Variants in LCLAT1 observed in about 807,000 individuals in gnomAD.
LCLAT1 encodes the protein 1-AGP acyltransferase 8.
In LCLAT1, 11 loss-of-function variants were observed where a neutral mutation model predicts 30.7. The observed-to-expected ratio is 0.36, with a 90% CI of 0.23 to 0.59. The LOEUF (loss-of-function observed/expected upper bound fraction) is 0.59, where lower values mean the gene tolerates loss of function less well. Among genes scored for constraint, LCLAT1 ranks in the 20% least tolerant of loss-of-function variants. The pLI, the probability that LCLAT1 is intolerant of heterozygous loss-of-function variation, is 0.77. For missense variants in LCLAT1, 402 were observed against 458.6 expected, an observed-to-expected ratio of 0.88 and a Z score of 1.13; for synonymous variants, 155 against 151.3, an observed-to-expected ratio of 1.02 and a Z score of -0.18.
At chr2:30,476,439 C>G (rs1396541346) in intron 1 of LCLAT1, 2 of 456,660 alleles carry the variant, frequency 4.4e-6, no homozygotes, top group South Asian at 3.1e-5. Flanking sequence ...TGATTTCCAC[C>G]TCTGCTCAGA....
At chr2:30,574,768 T>C (rs578024156) in intron 5 of LCLAT1, among the ~76,000 whole-genome samples, 2 of 152,304 alleles carry the variant, frequency 1.3e-5, no homozygotes, top group East Asian at 3.9e-4. Flanking sequence ...CTACAGATAC[T>C]TTGTGTCATG....
intron 5 of LCLAT1, chr2:30,606,563 C>T (rs370952298): frequency 0.12 from 16,527 of 141,342 alleles, 89 homozygotes; most frequent in South Asian, 0.21. Context: ...GGACCCCTTC[C>T]TTACACCTTA....
chr2:30,621,551 CCA>C (rs1176215111), intron 5 of LCLAT1, among the ~76,000 whole-genome samples: 1 of 152,134 alleles, frequency 6.6e-6, no homozygotes, highest in Non-Finnish European at 1.5e-5. Context: ...CTGAGAGAAT[CCA>C]CAGACCCTTT....
intron 5 of LCLAT1, among the ~76,000 whole-genome samples, chr2:30,613,863 C>T (rs757247023): frequency 0.042 from 812 of 19,110 alleles, 26 homozygotes; most frequent in East Asian, 0.1. Flanking sequence ...AGCCCTAAGG[C>T]GGTTTTTCCC....
intron 1 of LCLAT1, among the ~76,000 whole-genome samples, chr2:30,474,042 AT>A (rs1312568385): frequency 6.6e-6 from 1 of 152,250 alleles, no homozygotes; most frequent in Non-Finnish European, 1.5e-5. Flanking sequence ...ATAATGACTT[AT>A]GCAGCTATGA....
chr2:30,543,815 C>T (rs966228344), intron 3 of LCLAT1, among the ~76,000 whole-genome samples: 2 of 151,968 alleles, frequency 1.3e-5, no homozygotes, highest in Non-Finnish European at 2.9e-5. Context: ...GTTTGCCCCT[C>T]TCCCCTAAAA....
Position 30,563,550 on chromosome 2 carries a change from G to A in LCLAT1, c.511+1258G>A, listed in dbSNP as rs1438887813. Among the ~76,000 whole-genome samples the A allele has an allele frequency of 1.3e-5, 2 of 152,186 alleles. 1 individual carries two copies. The highest frequency in any genetic ancestry group is 2.9e-5 in the Non-Finnish European group (2 of 68,034). On this transcript the variant is annotated intron_variant, in intron 4 of 5. Transcript: ENST00000379509. ...TGAGAAGGATTCAGTGGATCTTACA[G>A]CTCTGCTGTGTAAGGGAAGACAGGC...
At chr2:30,481,536 A>G (rs1476783269) in intron 1 of LCLAT1, among the ~76,000 whole-genome samples, 1 of 152,200 alleles carries the variant, frequency 6.6e-6, no homozygotes, top group African/African-American at 2.4e-5. Context: ...GAGTGTTGTC[A>G]CAAAAGCCAA....
At chr2:30,535,747 A>G (rs1446420721) in intron 3 of LCLAT1, among the ~76,000 whole-genome samples, 1 of 152,178 alleles carries the variant, frequency 6.6e-6, no homozygotes, top group Non-Finnish European at 1.5e-5. Flanking sequence ...AACACAGGAA[A>G]CGTGAAAAGG....
At chr2:30,502,252 T>C (rs1488237425) in intron 1 of LCLAT1, among the ~76,000 whole-genome samples, 1 of 152,212 alleles carries the variant, frequency 6.6e-6, no homozygotes, top group African/African-American at 2.4e-5. Flanking sequence ...ATTTGTAAGG[T>C]GATAGGTATT....
At chr2:30,525,878 C>T (rs1201031166) in intron 2 of LCLAT1, 123 bp downstream of exon 2, 2 of 737,414 alleles carry the variant, frequency 2.7e-6, no homozygotes, top group African/African-American at 1.7e-5. Flanking sequence ...GCACATCCTT[C>T]TGTATGCTTT....
chr2:30,581,949 A>G (rs72798173), intron 5 of LCLAT1, among the ~76,000 whole-genome samples: 2 of 152,348 alleles, frequency 1.3e-5, no homozygotes, highest in Non-Finnish European at 2.9e-5. Flanking sequence ...GGTAATGGAT[A>G]TGCCAGTTAC....
At chr2:30,473,762 C>T (rs1682914326) in intron 1 of LCLAT1, among the ~76,000 whole-genome samples, 1 of 152,152 alleles carries the variant, frequency 6.6e-6, no homozygotes, top group Non-Finnish European at 1.5e-5. Context: ...GTTGTGGTTG[C>T]TAGAGTTCAT....
intron 1 of LCLAT1, among the ~76,000 whole-genome samples, chr2:30,473,768 T>TTCA (rs1682915072): frequency 6.6e-6 from 1 of 152,244 alleles, no homozygotes; most frequent in South Asian, 2.1e-4. Flanking sequence ...GTTGCTAGAG[T>TTCA]TCATGTCTTC....
Position 30,525,574 on chromosome 2 carries a change from T to C in LCLAT1, c.-4-13T>C, listed in dbSNP as rs1685674619. On this transcript the variant is annotated splice_polypyrimidine_tract_variant and intron_variant, in intron 1 of 5. Transcript: ENST00000379509. ...GTATAGTAACAAAATATATCCTTTT[T>C]TATATCTTTCAGAATCATGGTGTCA... is the stretch of plus-strand genomic sequence containing the variant. 1.9e-6 allele frequency: 3 copies of C among 1,603,762 alleles called. 1 individual carries two copies. The highest frequency in any genetic ancestry group is 3.3e-4 in the Middle Eastern group (2 of 6,030).
intron 1 of LCLAT1, among the ~76,000 whole-genome samples, chr2:30,495,475 C>T (rs1684064111): frequency 6.6e-6 from 1 of 151,520 alleles, no homozygotes; most frequent in African/African-American, 2.4e-5. Context: ...TAATAATTCT[C>T]TAATTGCAAT....
intron 5 of LCLAT1, among the ~76,000 whole-genome samples, chr2:30,615,024 G>A (rs1667928733): frequency 6.6e-6 from 1 of 152,154 alleles, no homozygotes; most frequent in South Asian, 2.1e-4. Flanking sequence ...ATGGGTTCGA[G>A]AGAGAAATGA....
chr2:30,506,517 C>T (rs1174931769), intron 1 of LCLAT1, among the ~76,000 whole-genome samples: 3 of 151,780 alleles, frequency 2.0e-5, no homozygotes, highest in Non-Finnish European at 2.9e-5. Context: ...ATAAAAGACA[C>T]GTGATAATGC....
intron 3 of LCLAT1, among the ~76,000 whole-genome samples, chr2:30,547,973 TAAAGTA>T (rs1664503491): frequency 6.6e-6 from 1 of 152,152 alleles, no homozygotes; most frequent in Admixed American, 6.5e-5. Context: ...AACCATCAAA[TAAAGTA>T]GAATATGTTA....
Sources: gnomAD v4.1 joint callset for allele counts (sites outside exome capture counted in the v4.1 genomes callset) on GRCh38, gnomAD v4.1.1 for gene constraint, MANE v1.5 for transcripts, NCBI Gene and HGNC (gene_info 2026-07-23, HGNC 2026-07-21) for gene names.